CENPE: variants seen among roughly 807,000 people sequenced by gnomAD.
CENPE encodes centromere protein E, also known as centromere-associated protein E.
Under a neutral mutation model 336.1 loss-of-function variants are expected in CENPE, and 145 were observed. That is an observed-to-expected ratio of 0.43 (90% CI 0.38 to 0.50). The LOEUF is 0.50. Ranked by LOEUF, CENPE falls within the 20% of genes least tolerant of loss-of-function variation. CENPE has a pLI of 0.00. For synonymous variants in CENPE, 1,013 were observed against 984.8 expected, an observed-to-expected ratio of 1.03 and a Z score of -0.54; for missense variants, 2,719 against 3,023.3, an observed-to-expected ratio of 0.90 and a Z score of 2.36.
intron 16 of CENPE, among the ~76,000 whole-genome samples, chr4:103,165,281 G>A (rs1295720729): frequency 6.6e-6 from 1 of 152,098 alleles, no homozygotes; most frequent in Non-Finnish European, 1.5e-5. Flanking sequence ...ACATCTCCAA[G>A]TAGTAAAAAT....
rs1752428285 is a variant in CENPE, at chr4:103,140,260, T to C, written c.5909A>G (p.Lys1970Arg). ...GAAGAACAAAACAACACATACCTTT[T>C]TCTGTAATTCATCTTTTGATTTATC... ...DLDKSKDELQKKIQELQKKEL... is the reference protein window; with the variant it reads ...DLDKSKDELQRKIQELQKKEL... Residue 1970 changes from lysine to arginine, a missense_variant, in exon 37 of 49, where the codon AAA (lysine) becomes AGA (arginine). By Grantham distance (26) the Lys-to-Arg change is conservative (BLOSUM62 2). This residue lies in a region of CENPE where 2,437 missense variants were observed against 2,513.3 expected (regional missense o/e 0.97). Coordinates refer to ENST00000265148, the MANE Select transcript of CENPE (RefSeq NM_001813.3). The C allele has an allele frequency of 1.9e-6, 3 of 1,589,252 alleles. No individual in the cohort carries two copies. Among genetic ancestry groups the C allele is most frequent in the Non-Finnish European group, 1.7e-6 (2 of 1,171,808 alleles).
intron 42 of CENPE, among the ~76,000 whole-genome samples, chr4:103,127,114 C>CAAAA (rs1246212242): frequency 7.3e-5 from 9 of 123,122 alleles, no homozygotes; most frequent in Non-Finnish European, 1.5e-4. Flanking sequence ...AAAAAAAAAC[C>CAAAA]AAAAAAACCC....
At chr4:103,117,163 T>C (rs1750200679) in intron 44 of CENPE, among the ~76,000 whole-genome samples, 1 of 152,180 alleles carries the variant, frequency 6.6e-6, no homozygotes, top group South Asian at 2.1e-4. Context: ...TTCAAAACAC[T>C]ATATTTTACA....
Position 103,145,951 on chromosome 4 carries a change from G to C in CENPE, c.4291C>G (p.Gln1431Glu). The change falls in exon 30 of 49, where the codon CAA (glutamine) becomes GAA (glutamate). Residue 1431 changes from glutamine (Q) to glutamate (E), a missense_variant. Gln to Glu is a conservative substitution (Grantham distance 29). Coordinates refer to ENST00000265148, the MANE Select transcript of CENPE (RefSeq NM_001813.3). ...GATTTCATTTCATCATGACTTTCTT[G>C]AAGTCTTTTGGACAATCCGAGCATT... ...IEMLGLSKRLQESHDEMKSVA... is the reference protein window; with the variant it reads ...IEMLGLSKRLEESHDEMKSVA... The C allele has an allele frequency of 6.2e-7, 1 of 1,613,876 alleles. No homozygotes were observed. The highest frequency in any genetic ancestry group is 1.1e-5 in the South Asian group (1 of 91,062).
chr4:103,175,941 G>A lies in CENPE; in HGVS notation c.1479+19C>T. The A allele has an allele frequency of 1.4e-6, 2 of 1,453,198 alleles. No homozygotes were observed. The highest frequency in any genetic ancestry group is 1.9e-6 in the Non-Finnish European group (2 of 1,044,130). The allele number at this position is 1,453,198 out of a possible 1,614,324, so 90.0% of individuals were successfully genotyped here. A position where few individuals can be genotyped will look rare whatever the true frequency, so the allele number is the denominator to read the frequency against. ...AAAAAGAGTAAAAGCATTATATGCT[G>A]TAAAATACATTAAGTTACCTGATTT... On this transcript the variant is annotated intron_variant, in intron 15 of 48. Coordinates refer to ENST00000265148, the MANE Select transcript of CENPE (RefSeq NM_001813.3).
chr4:103,182,849 G>A lies in CENPE; in HGVS notation c.876C>T (p.Leu292=), dbSNP rs35224516. 2.2e-3 allele frequency: 3,479 copies of A among 1,611,546 alleles called. 52 individuals are homozygous for A. In the African/African-American group the frequency reaches 0.035, roughly 16 times the overall value. ...NYRDSKLTRI[L]QNSLGGNAKT... is the part of the protein sequence containing the mutation. ...TTGCATTTCCTCCCAAGGAATTCTG[G>A]AGAATTCGTGTTAACTTGCTATCTC... Residue 292 remains leucine, a synonymous_variant, in exon 11 of 49, where the codon CTC becomes CTT. Transcript: ENST00000265148.
At chr4:103,106,962 T>C (rs1289363931) in intron 48 of CENPE, among the ~76,000 whole-genome samples, 1 of 152,248 alleles carries the variant, frequency 6.6e-6, no homozygotes, top group Non-Finnish European at 1.5e-5. Flanking sequence ...TCTAGGCTAC[T>C]CTTTTATTTA....
intron 16 of CENPE, 55 bp from the exon 17 acceptor site, chr4:103,163,608 C>CAAAAAAAAAAAAAAAAG (rs1754651055): frequency 2.7e-4 from 83 of 304,436 alleles, no homozygotes; most frequent in African/African-American, 8.6e-4. Flanking sequence ...TAAAGCAAAG[C>CAAAAAAAAAAAAAAAAG]AAAAAAAAAA....
chr4:103,174,367 G>A (rs184359549), intron 16 of CENPE, among the ~76,000 whole-genome samples: 3 of 152,022 alleles, frequency 2.0e-5, no homozygotes, highest in African/African-American at 7.2e-5. Flanking sequence ...AGAAAATGGG[G>A]AAATCTTGGT....
intron 42 of CENPE, among the ~76,000 whole-genome samples, chr4:103,130,049 C>G (rs1751451975): frequency 1.3e-5 from 2 of 152,164 alleles, no homozygotes; most frequent in Admixed American, 6.5e-5. Context: ...AAAACTACAG[C>G]TAACATCATA....
intron 9 of CENPE, among the ~76,000 whole-genome samples, chr4:103,183,766 A>G (rs190845784): frequency 1.7e-4 from 26 of 152,162 alleles, no homozygotes; most frequent in Admixed American, 5.9e-4. Context: ...CAGTTCCTAT[A>G]CCTCTACCAG....
chr4:103,112,389 G>T (rs569626997), intron 46 of CENPE, among the ~76,000 whole-genome samples: 5 of 143,470 alleles, frequency 3.5e-5, no homozygotes, highest in Non-Finnish European at 7.6e-5. Context: ...ACATGTGCAC[G>T]CACAAATATA....
Position 103,195,121 on chromosome 4 carries a change from T to G in CENPE, c.470A>C (p.Asp157Ala). ...QKMKPLIIRE[D>A]VNRNVYVADL... ...CTTAAGTCTGCTACTCACATTGACA[T>G]CTTCTCGAATAATTAAAGGTTTCAT... The change falls in exon 5 of 49, where the codon GAT (aspartate) becomes GCT (alanine). Residue 157 changes from aspartate to alanine, a missense_variant. Transcript: ENST00000265148. The G allele has an allele frequency of 3.8e-6, 6 of 1,583,900 alleles. No homozygotes were observed. Among genetic ancestry groups the G allele is most frequent in the Non-Finnish European group, 5.1e-6 (6 of 1,172,340 alleles).
At chr4:103,187,813 G>A (rs1271699910) in intron 8 of CENPE, among the ~76,000 whole-genome samples, 1 of 152,184 alleles carries the variant, frequency 6.6e-6, no homozygotes, top group African/African-American at 2.4e-5. Context: ...AACTTTAAAT[G>A]TAAATAGGCT....
At chr4:103,152,136 C>CAAA (rs11386251) in intron 25 of CENPE, among the ~76,000 whole-genome samples, 2 of 147,892 alleles carry the variant, frequency 1.4e-5, no homozygotes. Flanking sequence ...ATTATGACAG[C>CAAA]AAAAAAAAAG....
Position 103,145,572 on chromosome 4 carries a change from G to A in CENPE, c.4523C>T (p.Ser1508Leu). The stretch of plus-strand genomic sequence containing the variant: ...TGCTTCTAACTGCTTTTGAATGGTT[G>A]ATATTTCAGTTTCCTTCTCTGAAAG... ...VNLSEKETEISTIQKQLEAIN... is the reference protein window; with the variant it reads ...VNLSEKETEILTIQKQLEAIN... The change falls in exon 31 of 49, where the codon TCA (serine) becomes TTA (leucine). Residue 1508 changes from serine (S) to leucine (L), a missense_variant. Transcript: ENST00000265148. The A allele has an allele frequency of 6.2e-7, 1 of 1,608,884 alleles. No homozygotes were observed. Among genetic ancestry groups the A allele is most frequent in the South Asian group, 1.1e-5 (1 of 89,844 alleles).
chr4:103,120,304 A>G lies in CENPE; in HGVS notation c.7173T>C (p.His2391=), dbSNP rs1195686700. 3 of 1,608,436 alleles carry G rather than the reference A, an allele frequency of 1.9e-6. No homozygotes were observed. The highest frequency in any genetic ancestry group is 1.7e-6 in the Non-Finnish European group (2 of 1,178,748). ...EKIRELENSL[H]EAKESAMHKE... is the part of the protein sequence containing the mutation. The stretch of plus-strand genomic sequence containing the variant: ...TATGCATAGCACTTTCTTTAGCTTC[A>G]TGCAGTGAATTTTCCAGCTCTCGAA... The change falls in exon 44 of 49, where the codon CAT becomes CAC. Residue 2391 remains histidine (H), a synonymous_variant. Transcript: ENST00000265148.
In CENPE at chr4:103,160,613, A is replaced by G. The variant is rs745654853; in HGVS notation, c.2286+12T>C. On this transcript the variant is annotated intron_variant, in intron 21 of 48. Transcript: ENST00000265148. ...TTCAAAATAAGGGATAAGTGCTTAT[A>G]AATGTGTTTACCTCTTTCCTCAGCC... 1 of 1,595,776 alleles carries G rather than the reference A, an allele frequency of 6.3e-7. No individual in the cohort carries two copies. The highest frequency in any genetic ancestry group is 1.1e-5 in the South Asian group (1 of 87,430).
At chr4:103,135,457 A>C (rs902914631) in intron 40 of CENPE, among the ~76,000 whole-genome samples, 3 of 151,720 alleles carry the variant, frequency 2.0e-5, no homozygotes, top group African/African-American at 7.3e-5. Context: ...AAATCCAAGA[A>C]CTCCATCTAA....
Sources: gnomAD v4.1 joint callset for allele counts (sites outside exome capture counted in the v4.1 genomes callset) on GRCh38, gnomAD v4.1.1 for gene constraint, gnomAD v4.1.1 regional missense constraint, MANE v1.5 for transcripts, NCBI Gene and HGNC (gene_info 2026-07-23, HGNC 2026-07-21) for gene names.